The following ELMO1 variants were observed in gnomAD, a reference collection of about 807,000 sequenced individuals.
ELMO1 encodes engulfment and cell motility protein 1.
A neutral mutation model predicts 98.9 loss-of-function variants in ELMO1; 26 were observed. The ratio of observed to expected loss-of-function variants is 0.26; its 90% CI spans 0.19 to 0.36. ELMO1 has a LOEUF of 0.36. ELMO1 is among the 10% of genes least tolerant of loss of function. ELMO1 has a pLI of 1.00. For missense variants in ELMO1, 627 were observed against 935.2 expected (o/e 0.67, Z 4.30); for synonymous variants, 346 against 346.0 (o/e 1.00, Z 0.00).
intron 1 of ELMO1, among the ~76,000 whole-genome samples, chr7:37,358,618 C>T (rs1801583834): frequency 6.6e-6 from 1 of 152,166 alleles, no homozygotes; most frequent in Non-Finnish European, 1.5e-5. Context: ...CCAGATTCCA[C>T]TGGACACCTA....
chr7:37,064,578 G>A (rs986160670), intron 15 of ELMO1, among the ~76,000 whole-genome samples: 3 of 152,208 alleles, frequency 2.0e-5, no homozygotes, highest in African/African-American at 7.2e-5. Flanking sequence ...GGCAAAGCCT[G>A]CAGAACAGTG....
At chr7:37,204,471 C>T (rs1478782637) in intron 13 of ELMO1, among the ~76,000 whole-genome samples, 4 of 152,076 alleles carry the variant, frequency 2.6e-5, no homozygotes, top group African/African-American at 2.4e-5. Flanking sequence ...TGCAGACCTT[C>T]GCGGTGAGTG....
intron 14 of ELMO1, among the ~76,000 whole-genome samples, chr7:37,108,799 A>G (rs551772371): frequency 5.9e-5 from 9 of 152,292 alleles, no homozygotes; most frequent in African/African-American, 2.2e-4. Flanking sequence ...GGACAGTACG[A>G]GTCATGACTC....
At chr7:37,182,023 G>A (rs201436110) in intron 13 of ELMO1, among the ~76,000 whole-genome samples, 5 of 150,642 alleles carry the variant, frequency 3.3e-5, no homozygotes, top group East Asian at 1.9e-4. Context: ...TCTCAAATAA[G>A]AAAAAAAAAA....
chr7:37,018,971 G>C (rs1047697445), intron 15 of ELMO1, among the ~76,000 whole-genome samples: 1 of 152,164 alleles, frequency 6.6e-6, no homozygotes, highest in African/African-American at 2.4e-5. Context: ...GGGGTGCTTA[G>C]AGTCAACCAA....
chr7:37,241,896 G>T (rs556820450), intron 7 of ELMO1, among the ~76,000 whole-genome samples: 1 of 152,202 alleles, frequency 6.6e-6, no homozygotes, highest in East Asian at 1.9e-4. Flanking sequence ...AAATTTAAAG[G>T]AAAGTAAAAC....
chr7:37,089,070 T>C (rs1282134491), intron 15 of ELMO1, among the ~76,000 whole-genome samples: 1 of 152,194 alleles, frequency 6.6e-6, no homozygotes, highest in Non-Finnish European at 1.5e-5. Flanking sequence ...CCAGAATGTA[T>C]TCCCCAAGAA....
chr7:37,046,526 A>G (rs1795805721), intron 15 of ELMO1, among the ~76,000 whole-genome samples: 1 of 152,246 alleles, frequency 6.6e-6, no homozygotes, highest in African/African-American at 2.4e-5. Context: ...CTTTCTTTAG[A>G]CCAGCAGTTT....
At chr7:36,866,950 T>C (rs1270030952) in intron 20 of ELMO1, among the ~76,000 whole-genome samples, 1 of 152,184 alleles carries the variant, frequency 6.6e-6, no homozygotes. Context: ...CTTCTGCCTT[T>C]TGATGTTTTG....
chr7:37,061,150 G>A (rs1004087308), intron 15 of ELMO1, among the ~76,000 whole-genome samples: 7 of 152,152 alleles, frequency 4.6e-5, no homozygotes, highest in African/African-American at 1.7e-4. Context: ...AATGGGGATG[G>A]GGGGCGTCAT....
At chr7:36,877,914 GCTTA>G in intron 19 of ELMO1, 92 bp downstream of exon 19, 1 of 933,580 alleles carries the variant, frequency 1.1e-6, no homozygotes, top group Non-Finnish European at 1.7e-6. Context: ...TGTTCAAAGG[GCTTA>G]CTTAGGCTGA....
At chr7:37,040,814 C>A (rs1042777840) in intron 15 of ELMO1, among the ~76,000 whole-genome samples, 2 of 152,124 alleles carry the variant, frequency 1.3e-5, no homozygotes, top group African/African-American at 4.8e-5. Flanking sequence ...TGGCAGCTCA[C>A]TCCTCTAATC....
chr7:37,161,806 A>G (rs1789219166), intron 13 of ELMO1, among the ~76,000 whole-genome samples: 1 of 149,240 alleles, frequency 6.7e-6, no homozygotes, highest in South Asian at 2.1e-4. Flanking sequence ...TCAATGCAAC[A>G]TTCAAATACA....
chr7:36,930,167 G>A (rs1009611862), intron 16 of ELMO1, among the ~76,000 whole-genome samples: 1 of 152,188 alleles, frequency 6.6e-6, no homozygotes, highest in African/African-American at 2.4e-5. Flanking sequence ...CCCAGCCCAT[G>A]GGCAAGCTAC....
chr7:37,080,016 C>CATTT lies in ELMO1; in HGVS notation c.1300+16602_1300+16603insAAAT, dbSNP rs560725533. On this transcript the variant is annotated intron_variant, in intron 15 of 21. Coordinates refer to ENST00000310758, the MANE Select transcript of ELMO1 (RefSeq NM_014800.11). ...AACAGCATCTCAAAATTAACACAAA[C>CATTT]AAAACAGAACTCCTAATCTTCTATG... Among the ~76,000 whole-genome samples the CATTT allele has an allele frequency of 1.4e-3, 213 of 152,278 alleles. 1 individual carries two copies. Among genetic ancestry groups the CATTT allele is most frequent in the African/African-American group, 4.8e-3 (198 of 41,552 alleles).
At chr7:36,889,878 A>G (rs1805401905) in intron 17 of ELMO1, among the ~76,000 whole-genome samples, 1 of 152,178 alleles carries the variant, frequency 6.6e-6, no homozygotes, top group Non-Finnish European at 1.5e-5. Context: ...AGGAAATGAG[A>G]CAGCTCTTTC....
At chr7:37,259,382 G>A (rs1178768626) in intron 5 of ELMO1, 32 bp from the exon 6 acceptor site, 2 of 1,599,224 alleles carry the variant, frequency 1.3e-6, no homozygotes, top group Non-Finnish European at 1.7e-6. Flanking sequence ...GAAGAGTGTT[G>A]ACAAACGAAA....
intron 1 of ELMO1, among the ~76,000 whole-genome samples, chr7:37,379,153 C>T (rs1562653410): frequency 6.6e-6 from 1 of 152,042 alleles, no homozygotes; most frequent in Admixed American, 6.6e-5. Flanking sequence ...CATTCTCTTG[C>T]CTCCGCCTCC....
intron 13 of ELMO1, among the ~76,000 whole-genome samples, chr7:37,209,746 G>A (rs949019898): frequency 5.9e-5 from 9 of 152,118 alleles, no homozygotes; most frequent in Admixed American, 5.2e-4. Context: ...CTCTGGCAGA[G>A]GGGCTCTGCC....
Sources: allele counts gnomAD v4.1 joint callset (sites outside exome capture counted in the v4.1 genomes callset), GRCh38; gene constraint gnomAD v4.1.1; transcripts MANE v1.5; gene names NCBI Gene and HGNC (gene_info 2026-07-23, HGNC 2026-07-21).